Variants in MATN3 observed in about 807,000 individuals in gnomAD.
The protein encoded by MATN3 is matrilin-3.
MATN3 carries 48 observed loss-of-function variants against 45.3 expected under a neutral mutation model. The observed-to-expected ratio is 1.06, with a 90% CI of 0.84 to 1.35. The LOEUF (loss-of-function observed/expected upper bound fraction) is 1.35, where lower values mean the gene tolerates loss of function less well. Ranked by LOEUF, MATN3 falls within the 40% of genes most tolerant of loss-of-function variation. The probability of loss-of-function intolerance (pLI) is 0.00; values close to 1 mark genes in which losing one functional copy is unlikely to be tolerated. For missense variants in MATN3, 599 were observed against 628.0 expected, an observed-to-expected ratio of 0.95 and a Z score of 0.49; for synonymous variants, 217 against 245.9, an observed-to-expected ratio of 0.88 and a Z score of 1.10.
At chr2:20,011,894 G>C (rs1673225784) in intron 1 of MATN3, among the ~76,000 whole-genome samples, 1 of 152,222 alleles carries the variant, frequency 6.6e-6, no homozygotes, top group South Asian at 2.1e-4. Flanking sequence ...AAGACCCAGA[G>C]TGTCTTGATC....
intron 2 of MATN3, 115 bp from the exon 3 acceptor site, chr2:20,003,401 C>A: frequency 1.0e-6 from 1 of 995,114 alleles, no homozygotes; most frequent in East Asian, 2.8e-5. Context: ...ATCTTTACTT[C>A]ACTATAAAAA....
chr2:19,995,970 A>G lies in MATN3; in HGVS notation c.1294+1164T>C, dbSNP rs561715272. Among the ~76,000 whole-genome samples, 8 of 152,360 alleles carry G rather than the reference A, an allele frequency of 5.3e-5. No individual in the cohort carries two copies. The highest frequency in any genetic ancestry group is 5.2e-4 in the Admixed American group (8 of 15,302). The stretch of plus-strand genomic sequence containing the variant: ...TCAGTCAATAAACCAGGAAGTATCT[A>G]TTGAAGATCAACTACATGTCCATTA... On this transcript the variant is annotated intron_variant, in intron 6 of 7. Transcript: ENST00000407540. This position sits in a 1 kb window ranked among gnomAD's most constrained non-coding sequence, Gnocchi z 4.2.
Position 20,012,323 on chromosome 2 carries a change from T to A in MATN3, c.223+86A>T. The A allele has an allele frequency of 9.3e-7, 1 of 1,076,322 alleles. No homozygotes were observed. The allele number at this position is 1,076,322 out of a possible 1,614,324, so 66.7% of individuals were successfully genotyped here. A position where few individuals can be genotyped will look rare whatever the true frequency, so the allele number is the denominator to read the frequency against. ...TCTTTCCCCCGCACCACGGTCGGCC[T>A]GAGGCCGGGATGAAGCGCGCTTGGT... On this transcript the variant is annotated intron_variant, in intron 1 of 7. Transcript: ENST00000407540. The surrounding 1 kb of genome is among the most constrained non-coding windows in gnomAD (Gnocchi z 4.3).
At chr2:20,009,416 G>A (rs1389609363) in intron 1 of MATN3, among the ~76,000 whole-genome samples, 4 of 152,042 alleles carry the variant, frequency 2.6e-5, no homozygotes, top group African/African-American at 9.7e-5. Context: ...ACTCATAAGT[G>A]GGAGTTGAAC....
intron 1 of MATN3, among the ~76,000 whole-genome samples, chr2:20,006,923 T>C (rs749347948): frequency 2.0e-5 from 3 of 152,212 alleles, no homozygotes; most frequent in Non-Finnish European, 2.9e-5. Flanking sequence ...AGCCCTGAAC[T>C]AATTTAAAGT....
At position 20,005,742 on chromosome 2, in the gene MATN3, A is replaced by G; in HGVS notation, c.790+2T>C. 7 of 1,589,584 alleles carry G rather than the reference A, an allele frequency of 4.4e-6. No homozygotes were observed. The highest frequency in any genetic ancestry group is 6.0e-6 in the Non-Finnish European group (7 of 1,164,184). Reference sequence around the variant, plus strand: ...GTTGGAAGCAAAGACTGACCAACTTACCACAGAAGGTTTCCTGGAATCTAG... The same window carrying G: ...GTTGGAAGCAAAGACTGACCAACTTGCCACAGAAGGTTTCCTGGAATCTAG... On this transcript the variant is annotated splice_donor_variant, in intron 2 of 7. Transcript: ENST00000407540. LOFTEE classifies it high-confidence loss of function.
intron 3 of MATN3, 146 bp from the exon 4 acceptor site, chr2:20,002,226 T>C: frequency 1.5e-6 from 1 of 664,260 alleles, no homozygotes; most frequent in Non-Finnish European, 2.4e-6. Context: ...CAGCTGGGAG[T>C]TGGGAACCAA....
intron 2 of MATN3, among the ~76,000 whole-genome samples, chr2:20,005,150 G>C (rs1475960479): frequency 6.6e-6 from 1 of 152,086 alleles, no homozygotes; most frequent in Non-Finnish European, 1.5e-5. Flanking sequence ...ACCCTAATCT[G>C]CCTGGTCCCT....
rs77245812 is a variant in MATN3 at position 20,003,169 on chromosome 2, G to A, written c.908C>T (p.Thr303Met). Residue 303 changes from threonine to methionine, a missense_variant, in exon 3 of 8, where the codon ACG (threonine) becomes ATG (methionine). Transcript: ENST00000407540. ...QGYTLNADKKTCSALDRCALN... is the reference protein window; with the variant it reads ...QGYTLNADKKMCSALDRCALN... ...CCCTACACAGGCCTCACCTGAACAC[G>A]TTTTCTTGTCGGCATTCAAGGTGTA... 0.016 allele frequency: 25,567 copies of A among 1,613,922 alleles called. 321 individuals are homozygous for A. Among genetic ancestry groups the A allele is most frequent in the South Asian group, 0.044 (4,009 of 91,072 alleles).
chr2:20,001,848 A>G (rs1399000604), intron 4 of MATN3, 107 bp downstream of exon 4: 1 of 1,083,910 alleles, frequency 9.2e-7, no homozygotes, highest in South Asian at 1.6e-5. Flanking sequence ...CAAGGTGGCA[A>G]GAGAGGAAAA....
chr2:20,005,494 A>C (rs1203947940), intron 2 of MATN3, among the ~76,000 whole-genome samples: 1 of 152,194 alleles, frequency 6.6e-6, no homozygotes, highest in African/African-American at 2.4e-5. Context: ...CACAGTTCTA[A>C]CGCAAACATG....
rs1288642934 is a variant in MATN3 at position 20,012,621 on chromosome 2, G to A, written c.11C>T (p.Pro4Leu). The A allele has an allele frequency of 8.2e-7, 1 of 1,216,670 alleles. No individual in the cohort carries two copies. The highest frequency in any genetic ancestry group is 1.0e-6 in the Non-Finnish European group (1 of 978,330). 75.4% of individuals were successfully genotyped at this position (1,216,670 alleles called of 1,614,324 possible). ...TCCCGGGAGGCGGCGCGCGGGGGCC[G>A]GGCGCGGCATGGTGGGCTCCGTGGG... MPR[P>L]APARRLPGLL... Residue 4 changes from proline to leucine, a missense_variant, in exon 1 of 8, where the codon CCG becomes CTG. Transcript: ENST00000407540. This position sits in a 1 kb window ranked among gnomAD's most constrained non-coding sequence, Gnocchi z 4.3.
At chr2:20,006,803 C>G (rs1262320484) in intron 1 of MATN3, among the ~76,000 whole-genome samples, 1 of 152,198 alleles carries the variant, frequency 6.6e-6, no homozygotes, top group Admixed American at 6.5e-5. Context: ...CTTCTGGTGG[C>G]CCCCCTCTTT....
chr2:19,995,188 C>G lies in MATN3; in HGVS notation c.1295-779G>C, dbSNP rs1166868346. Among the ~76,000 whole-genome samples the G allele has an allele frequency of 6.6e-6, 1 of 152,232 alleles. No individual in the cohort carries two copies. The highest frequency in any genetic ancestry group is 1.9e-4 in the East Asian group (1 of 5,198). ...AAAACTAGGGCCAGGCGCAGTGGCT[C>G]ACACCTGTAATCCCAGGACTTTGGG... On this transcript the variant is annotated intron_variant, in intron 6 of 7. Transcript: ENST00000407540. The surrounding 1 kb of genome is among the most constrained non-coding windows in gnomAD (Gnocchi z 4.2).
chr2:20,003,260 G>A lies in MATN3; in HGVS notation c.817C>T (p.His273Tyr), dbSNP rs764710549. ...CALDPCVLGT[H>Y]QCQHVCISDG... ...CTGATGCAGACGTGCTGGCACTGGT[G>A]TGTTCCAAGCACACAGGGGTCCAGC... The change falls in exon 3 of 8, where the codon CAC (histidine) becomes TAC (tyrosine). Residue 273 changes from histidine (H) to tyrosine (Y), a missense_variant. Transcript: ENST00000407540. 3.2e-5 allele frequency: 51 copies of A among 1,613,826 alleles called. No individual in the cohort carries two copies. The highest frequency in any genetic ancestry group is 4.2e-5 in the Non-Finnish European group (50 of 1,179,856).
At chr2:20,000,699 G>A in intron 4 of MATN3, 133 bp from the exon 5 acceptor site, 1 of 814,220 alleles carries the variant, frequency 1.2e-6, no homozygotes, top group Non-Finnish European at 1.8e-6. Flanking sequence ...CATTGGCACT[G>A]TTTTTTTCTA....
chr2:20,003,072 C>A lies in MATN3; in HGVS notation c.916+89G>T. 2.0e-6 allele frequency: 3 copies of A among 1,499,100 alleles called. No individual in the cohort carries two copies. In the South Asian group the frequency reaches 3.8e-5, roughly 19 times the overall value. 92.9% of individuals were successfully genotyped at this position (1,499,100 alleles called of 1,614,324 possible). A position where few individuals can be genotyped will look rare whatever the true frequency, so the allele number is the denominator to read the frequency against. On this transcript the variant is annotated intron_variant, in intron 3 of 7. Coordinates refer to ENST00000407540, the MANE Select transcript of MATN3 (RefSeq NM_002381.5). ...AAAAGGCAGTTAGGTAAAAAGGGGT[C>A]AGAGAGTCAAAGCACAAGGCCAGTC... is the stretch of plus-strand genomic sequence containing the variant.
Position 20,012,667 on chromosome 2 carries a change from G to A in MATN3, c.-36C>T, listed in dbSNP as rs919335012. 29 of 1,046,994 alleles carry A rather than the reference G, an allele frequency of 2.8e-5. No homozygotes were observed. In the African/African-American group the frequency reaches 2.8e-4, roughly 10 times the overall value. 64.9% of individuals were successfully genotyped at this position (1,046,994 alleles called of 1,614,324 possible). A position where few individuals can be genotyped will look rare whatever the true frequency, so the allele number is the denominator to read the frequency against. On this transcript the variant is annotated 5_prime_UTR_variant, in exon 1 of 8. Transcript: ENST00000407540. This position sits in a 1 kb window ranked among gnomAD's most constrained non-coding sequence, Gnocchi z 4.3. ...GTGGGCCTGGTGGTGTCCGTCGGGG[G>A]CCAGGAGCCCACGCGAGGCTCGGAT...
Position 20,012,315 on chromosome 2 carries a change from G to C in MATN3, c.223+94C>G. 1.0e-6 allele frequency: 1 copy of C among 978,988 alleles called. No homozygotes were observed. The highest frequency in any genetic ancestry group is 1.3e-6 in the Non-Finnish European group (1 of 759,712). The allele number at this position is 978,988 out of a possible 1,614,324, so 60.6% of individuals were successfully genotyped here. A position where few individuals can be genotyped will look rare whatever the true frequency, so the allele number is the denominator to read the frequency against. On this transcript the variant is annotated intron_variant, in intron 1 of 7. Coordinates refer to ENST00000407540, the MANE Select transcript of MATN3 (RefSeq NM_002381.5). The surrounding 1 kb of genome is among the most constrained non-coding windows in gnomAD (Gnocchi z 4.3). ...GAGGGGCCTCTTTCCCCCGCACCAC[G>C]GTCGGCCTGAGGCCGGGATGAAGCG...
Sources: allele counts gnomAD v4.1 joint callset (sites outside exome capture counted in the v4.1 genomes callset), GRCh38; gene constraint gnomAD v4.1.1; non-coding constraint Gnocchi (gnomAD v3.1); transcripts MANE v1.5; gene names NCBI Gene and HGNC (gene_info 2026-07-23, HGNC 2026-07-21).